The following GRM3 variants were observed in gnomAD, a reference collection of about 807,000 sequenced individuals.
GRM3 encodes the protein metabotropic glutamate receptor 3.
GRM3 carries 26 observed loss-of-function variants against 70.5 expected under a neutral mutation model. That is an observed-to-expected ratio of 0.37 (90% CI 0.27 to 0.51). The LOEUF is 0.51. Ranked by LOEUF, GRM3 falls within the 20% of genes least tolerant of loss-of-function variation. GRM3 has a pLI of 0.93. For missense variants in GRM3, 859 were observed against 1,123.8 expected, an observed-to-expected ratio of 0.76 and a Z score of 3.37; for synonymous variants, 443 against 434.9, an observed-to-expected ratio of 1.02 and a Z score of -0.23.
At chr7:86,762,110 G>T (rs536221351) in intron 1 of GRM3, among the ~76,000 whole-genome samples, 1 of 152,074 alleles carries the variant, frequency 6.6e-6, no homozygotes, top group African/African-American at 2.4e-5. Flanking sequence ...GATAATGATC[G>T]CAGTGTCTTT....
chr7:86,762,255 C>T (rs756878878), intron 1 of GRM3, among the ~76,000 whole-genome samples: 6 of 152,050 alleles, frequency 3.9e-5, no homozygotes, highest in Non-Finnish European at 5.9e-5. Context: ...CTTTCTGGTA[C>T]CCTGTGGCAG....
rs2116734885 is a variant in GRM3, at chr7:86,838,958, A to C, written c.1444A>C (p.Lys482Gln). The C allele has an allele frequency of 6.2e-7, 1 of 1,613,890 alleles. No homozygotes were observed. Among genetic ancestry groups the C allele is most frequent in the Middle Eastern group, 1.7e-4 (1 of 6,060 alleles). ...QNVGGKYSYL[K>Q]VGHWAETLSL... ...TGTAGGTGGAAAGTATTCCTACTTG[A>C]AAGTTGGTCACTGGGCAGAAACCTT... The change falls in exon 4 of 6, where the codon AAA (lysine) becomes CAA (glutamine). Residue 482 changes from lysine (K) to glutamine (Q), a missense_variant. By Grantham distance (53) the Lys-to-Gln change is moderately conservative (BLOSUM62 1). Transcript: ENST00000361669.
intron 1 of GRM3, among the ~76,000 whole-genome samples, chr7:86,704,191 A>C (rs1488470346): frequency 6.6e-6 from 1 of 151,914 alleles, no homozygotes; most frequent in Non-Finnish European, 1.5e-5. Flanking sequence ...CGTTTTTCTC[A>C]TTTCTTCATT....
intron 3 of GRM3, among the ~76,000 whole-genome samples, chr7:86,798,796 A>G (rs529041403): frequency 6.6e-6 from 1 of 152,332 alleles, no homozygotes; most frequent in Admixed American, 6.5e-5. Flanking sequence ...AGCTCCAATA[A>G]TTCCCACATG....
At chr7:86,678,021 T>C (rs890278618) in intron 1 of GRM3, among the ~76,000 whole-genome samples, 1 of 151,888 alleles carries the variant, frequency 6.6e-6, no homozygotes, top group Non-Finnish European at 1.5e-5. Flanking sequence ...TAATTAAAAT[T>C]TTGTTCTATA....
At chr7:86,787,621 G>A (rs1797292801) in intron 3 of GRM3, among the ~76,000 whole-genome samples, 1 of 152,102 alleles carries the variant, frequency 6.6e-6, no homozygotes, top group African/African-American at 2.4e-5. Flanking sequence ...AAACAGAAAA[G>A]ATACCCAGAC....
At chr7:86,739,765 AAAG>A (rs1795945128) in intron 1 of GRM3, among the ~76,000 whole-genome samples, 2 of 152,362 alleles carry the variant, frequency 1.3e-5, no homozygotes, top group East Asian at 3.9e-4. Context: ...TGGAAACTTA[AAAG>A]AAGTAAAATC....
At chr7:86,711,365 A>T (rs1268630335) in intron 1 of GRM3, among the ~76,000 whole-genome samples, 1 of 152,046 alleles carries the variant, frequency 6.6e-6, no homozygotes, top group Admixed American at 6.6e-5. Flanking sequence ...TGCATATATT[A>T]GGCCATATTT....
intron 1 of GRM3, among the ~76,000 whole-genome samples, chr7:86,692,014 C>A (rs1794707153): frequency 6.6e-6 from 1 of 152,240 alleles, no homozygotes; most frequent in South Asian, 2.1e-4. Context: ...AAATGATTTG[C>A]CTTTCTAACA....
intron 1 of GRM3, among the ~76,000 whole-genome samples, chr7:86,674,273 C>T (rs1794247159): frequency 6.6e-6 from 1 of 152,004 alleles, no homozygotes; most frequent in Non-Finnish European, 1.5e-5. Flanking sequence ...GTTAGAAGTC[C>T]TCCATTCCTT....
At chr7:86,658,345 A>G (rs1390586549) in intron 1 of GRM3, among the ~76,000 whole-genome samples, 3 of 152,130 alleles carry the variant, frequency 2.0e-5, no homozygotes, top group East Asian at 3.8e-4. Flanking sequence ...GTCGAGATTC[A>G]TGTCTCATCC....
chr7:86,818,629 C>G (rs10268818), intron 3 of GRM3, among the ~76,000 whole-genome samples: 1 of 152,056 alleles, frequency 6.6e-6, no homozygotes, highest in East Asian at 1.9e-4. Context: ...CATACATATA[C>G]CTTATGATTT....
chr7:86,833,116 T>C (rs932925259), intron 3 of GRM3: 2 of 981,324 alleles, frequency 2.0e-6, no homozygotes, highest in Admixed American at 6.2e-5. Context: ...GAGACTTAAC[T>C]TGAGAAACAG....
intron 1 of GRM3, among the ~76,000 whole-genome samples, chr7:86,711,560 T>C (rs1795200557): frequency 6.6e-6 from 1 of 152,136 alleles, no homozygotes; most frequent in Non-Finnish European, 1.5e-5. Context: ...TTCGTGATCA[T>C]TGATATCTTT....
intron 1 of GRM3, among the ~76,000 whole-genome samples, chr7:86,746,058 C>T (rs1294498976): frequency 6.6e-6 from 1 of 151,810 alleles, no homozygotes; most frequent in Non-Finnish European, 1.5e-5. Flanking sequence ...TCCTCCCTTC[C>T]TTTTTATCCA....
At chr7:86,850,317 G>T in intron 4 of GRM3, 53 bp from the exon 5 acceptor site, 1 of 1,281,904 alleles carries the variant, frequency 7.8e-7, no homozygotes, top group East Asian at 2.3e-5. Context: ...TCTTTAGTTG[G>T]CCACTTGACT....
chr7:86,698,603 A>C (rs1794883929), intron 1 of GRM3, among the ~76,000 whole-genome samples: 1 of 149,682 alleles, frequency 6.7e-6, no homozygotes, highest in Non-Finnish European at 1.5e-5. Context: ...ACATATATAT[A>C]AACACTATAA....
chr7:86,648,873 G>A (rs545312381), intron 1 of GRM3, among the ~76,000 whole-genome samples: 1 of 152,068 alleles, frequency 6.6e-6, no homozygotes, highest in South Asian at 2.1e-4. Flanking sequence ...CAAGTTCCAG[G>A]CATTGAAATA....
Position 86,765,348 on chromosome 7 carries a change from G to T in GRM3, c.203G>T (p.Arg68Leu). ...ATCAATGAAGACCGAGGGATTCAAC[G>T]CCTGGAAGCCATGTTGTTTGCTATT... is the stretch of plus-strand genomic sequence containing the variant. ...GRINEDRGIQRLEAMLFAIDE... is the reference protein window; with the variant it reads ...GRINEDRGIQLLEAMLFAIDE... The change falls in exon 2 of 6, where the codon CGC (arginine) becomes CTC (leucine). Residue 68 changes from arginine to leucine, a missense_variant. Arg to Leu is a moderately radical substitution (Grantham distance 102). Coordinates refer to ENST00000361669, the MANE Select transcript of GRM3 (RefSeq NM_000840.3). The T allele has an allele frequency of 1.2e-6, 2 of 1,613,894 alleles. No homozygotes were observed. Among genetic ancestry groups the T allele is most frequent in the Non-Finnish European group, 1.7e-6 (2 of 1,179,878 alleles).
Sources: gnomAD v4.1 joint callset for allele counts (sites outside exome capture counted in the v4.1 genomes callset) on GRCh38, gnomAD v4.1.1 for gene constraint, MANE v1.5 for transcripts, NCBI Gene and HGNC (gene_info 2026-07-23, HGNC 2026-07-21) for gene names.